The following CIITA variants were observed in gnomAD, a reference collection of about 807,000 sequenced individuals.
The protein encoded by CIITA is MHC class II transactivator.
Under a neutral mutation model 115.1 loss-of-function variants are expected in CIITA, and 72 were observed. The observed-to-expected ratio is 0.63, with a 90% CI of 0.52 to 0.76. CIITA has a LOEUF of 0.76. CIITA is among the 30% of genes least tolerant of loss of function. The pLI is 0.00. For missense variants in CIITA, 1,617 were observed against 1,463.8 expected (o/e 1.10, Z -1.71); for synonymous variants, 763 against 635.6 (o/e 1.20, Z -3.02).
Position 10,918,487 on chromosome 16 carries a change from A to G in CIITA, c.3110A>G (p.Glu1037Gly), listed in dbSNP as rs2040083367. ...GACCTGGGTGCCTACAAACTCGCCGAGGCCCTGCCTTCGCTCGCTGCATCC... is the reference window on the plus strand; with the variant it reads ...GACCTGGGTGCCTACAAACTCGCCGGGGCCCTGCCTTCGCTCGCTGCATCC... The part of the protein sequence containing the change: ...ITDLGAYKLA[E>G]ALPSLAASLL... Residue 1037 changes from glutamate (E) to glycine (G), a missense_variant, in exon 16 of 20, where the codon GAG (glutamate) becomes GGG (glycine). By Grantham distance (98) the Glu-to-Gly change is moderately conservative. Transcript: ENST00000324288. The G allele has an allele frequency of 6.2e-7, 1 of 1,614,066 alleles. No homozygotes were observed. The highest frequency in any genetic ancestry group is 1.3e-5 in the African/African-American group (1 of 74,922).
Position 10,941,811 on chromosome 16 carries a change from C to G in CIITA, n.937C>G. ...AGAGCACGCCGAGGTCCACGAGCGC[C>G]TGGTCCATGTCCTCGGGCAGGAAGA... On this transcript the variant is annotated non_coding_transcript_exon_variant, in exon 2 of 2. Coordinates refer to the CIITA transcript ENST00000573379. The surrounding 1 kb of genome is among the most constrained non-coding windows in gnomAD (Gnocchi z 6.4). 1 of 1,613,648 alleles carries G rather than the reference C, an allele frequency of 6.2e-7. No individual in the cohort carries two copies.
In CIITA at chr16:10,910,202, C is replaced by T. The variant is rs750740701; in HGVS notation, c.2831C>T (p.Ser944Leu). The change falls in exon 13 of 20, where the codon TCG (serine) becomes TTG (leucine). Residue 944 changes from serine to leucine, a missense_variant. Physicochemically the swap from Ser to Leu is moderately radical, Grantham distance 145 (BLOSUM62 -2). Coordinates refer to ENST00000324288, the MANE Select transcript of CIITA (RefSeq NM_000246.4). ...LVQTQRTRSS[S>L]EDTAGELPAV... ...GTTCTCTCCAGGACGAGAAGTTCCT[C>T]GGAAGACACAGCTGGGGAGCTCCCT... is the stretch of plus-strand genomic sequence containing the variant. 18 of 1,613,888 alleles carry T rather than the reference C, an allele frequency of 1.1e-5. No individual in the cohort carries two copies. Among genetic ancestry groups the T allele is most frequent in the African/African-American group, 2.7e-5 (2 of 74,920 alleles).
rs549929673 is a variant in CIITA, at chr16:10,922,913, C to T, written c.3318-315C>T. On this transcript the variant is annotated intron_variant, in intron 18 of 19. Transcript: ENST00000324288. ...TTCTTTCAAAGCACTTTTATCTCCACAATCACTCACCTCTTCTAAGACGCA... is the reference window on the plus strand; with the variant it reads ...TTCTTTCAAAGCACTTTTATCTCCATAATCACTCACCTCTTCTAAGACGCA... 9.8e-6 allele frequency: 5 copies of T among 511,534 alleles called. No individual in the cohort carries two copies. The East Asian group carries it at 1.7e-4, about 18-fold the overall frequency. 31.7% of individuals were successfully genotyped at this position (511,534 alleles called of 1,614,324 possible). A position where few individuals can be genotyped will look rare whatever the true frequency, so the allele number is the denominator to read the frequency against.
intron 12 of CIITA, 85 bp from the exon 13 acceptor site, chr16:10,910,103 C>T (rs2039456336): frequency 1.8e-6 from 2 of 1,128,300 alleles, no homozygotes; most frequent in Non-Finnish European, 2.7e-6. Flanking sequence ...GAATTTGGGG[C>T]ACTGGGGCAG....
At chr16:10,913,392 G>A (rs2039720432) in intron 13 of CIITA, 2 of 160,812 alleles carry the variant, frequency 1.2e-5, no homozygotes, top group Admixed American at 6.3e-5. Flanking sequence ...TCGACTCACT[G>A]CAACCTCCTC....
intron 1 of CIITA, among the ~76,000 whole-genome samples, chr16:10,890,696 G>T (rs986549410): frequency 7.9e-5 from 12 of 152,182 alleles, no homozygotes; most frequent in African/African-American, 2.2e-4. Flanking sequence ...AAGGGAAAGG[G>T]TCCCTTTGTC....
chr16:10,909,165 G>A lies in CIITA; in HGVS notation c.2794G>A (p.Gly932Arg). ...AKSLKDVEDL[G>R]KLVQTQRTRS... Reference sequence around the variant, plus strand: ...GTCCCTGAAGGATGTGGAAGACCTGGGAAAGCTTGTGCAGACTCAGAGGTG... The same window carrying A: ...GTCCCTGAAGGATGTGGAAGACCTGAGAAAGCTTGTGCAGACTCAGAGGTG... The change falls in exon 12 of 20, where the codon GGA (glycine) becomes AGA (arginine). Residue 932 changes from glycine to arginine, a missense_variant. By Grantham distance (125) the Gly-to-Arg change is moderately radical. Transcript: ENST00000324288. 6.2e-7 allele frequency: 1 copy of A among 1,614,224 alleles called. No individual in the cohort carries two copies. Among genetic ancestry groups the A allele is most frequent in the Non-Finnish European group, 8.5e-7 (1 of 1,180,056 alleles).
At chr16:10,916,596 T>G in intron 15 of CIITA, 137 bp downstream of exon 15, 1 of 751,542 alleles carries the variant, frequency 1.3e-6, no homozygotes, top group Non-Finnish European at 2.3e-6. Flanking sequence ...GCTATGATCA[T>G]ACCTCTGCAG....
At chr16:10,903,473 A>G (rs1279278394) in intron 8 of CIITA, among the ~76,000 whole-genome samples, 4 of 152,190 alleles carry the variant, frequency 2.6e-5, no homozygotes, top group Non-Finnish European at 5.9e-5. Context: ...GGAAGAGTGC[A>G]ATAGTAGTAC....
Position 10,895,807 on chromosome 16 carries a change from G to A in CIITA, c.295+43G>A, listed in dbSNP as rs374837723. Reference sequence around the variant, plus strand: ...CCCAGAAAAGGACAATCAAGGGCAAGAGTTCTTTGCTGCCACTTGTCAATA... The same window carrying A: ...CCCAGAAAAGGACAATCAAGGGCAAAAGTTCTTTGCTGCCACTTGTCAATA... On this transcript the variant is annotated intron_variant, in intron 3 of 19. Coordinates refer to ENST00000324288, the MANE Select transcript of CIITA (RefSeq NM_000246.4). The A allele has an allele frequency of 3.8e-6, 6 of 1,590,758 alleles. No homozygotes were observed. The African/African-American group carries it at 8.1e-5, about 21-fold the overall frequency.
Position 10,925,817 on chromosome 16 carries a change from T to C in CIITA, c.*1962T>C, listed in dbSNP as rs1387348904. On this transcript the variant is annotated 3_prime_UTR_variant, in exon 20 of 20. Transcript: ENST00000324288. ...TCCTAAAATTCAGTGGAAAATTAATTGTTTGGGGATGAGAAAGGTTGAAGC... is the reference window on the plus strand; with the variant it reads ...TCCTAAAATTCAGTGGAAAATTAATCGTTTGGGGATGAGAAAGGTTGAAGC... 6.6e-6 allele frequency: 1 copy of C among 152,166 alleles called. No homozygotes were observed. The highest frequency in any genetic ancestry group is 1.5e-5 in the Non-Finnish European group (1 of 68,040). The allele number at this position is 152,166 out of a possible 1,614,324, so 9.4% of individuals were successfully genotyped here.
intron 1 of CIITA, among the ~76,000 whole-genome samples, chr16:10,893,251 T>G (rs1250452888): frequency 6.6e-6 from 1 of 152,196 alleles, no homozygotes; most frequent in African/African-American, 2.4e-5. Flanking sequence ...GCTGTTGTTC[T>G]GAGCTACCTG....
intron 14 of CIITA, 26 bp downstream of exon 14, chr16:10,915,676 C>T (rs184744868): frequency 5.4e-5 from 85 of 1,586,510 alleles, no homozygotes; most frequent in Admixed American, 2.3e-4. Context: ...GGGACCCCTT[C>T]CTCTCAACAT....
At chr16:10,918,562 C>G (rs1261653434) in intron 16 of CIITA, 36 bp downstream of exon 16, 2 of 1,588,176 alleles carry the variant, frequency 1.3e-6, no homozygotes, top group East Asian at 2.2e-5. Context: ...AGGTGCTGAG[C>G]TGGGGGGCTG....
intron 13 of CIITA, among the ~76,000 whole-genome samples, chr16:10,911,380 T>TCC (rs2039564574): frequency 1.2e-5 from 1 of 85,540 alleles, no homozygotes; most frequent in African/African-American, 4.0e-5. Context: ...CTTTCTTTCT[T>TCC]TCTCTCTCTC....
intron 1 of CIITA, among the ~76,000 whole-genome samples, chr16:10,891,892 C>T (rs539786089): frequency 1.3e-5 from 2 of 152,318 alleles, no homozygotes; most frequent in South Asian, 2.1e-4. Context: ...TGGGTTCCTG[C>T]AGCCCCCGCT....
In CIITA at chr16:10,924,450, C is replaced by T. The variant is rs946852736; in HGVS notation, c.*595C>T. 6.6e-6 allele frequency: 1 copy of T among 152,340 alleles called. No homozygotes were observed. The highest frequency in any genetic ancestry group is 2.4e-5 in the African/African-American group (1 of 41,436). The allele number at this position is 152,340 out of a possible 1,614,324, so 9.4% of individuals were successfully genotyped here. ...GTTTTGCCATGTTGGCCAGGCTGGT[C>T]TCAAACTCTTGACCTCAGGTGATCC... On this transcript the variant is annotated 3_prime_UTR_variant, in exon 20 of 20. Transcript: ENST00000324288.
chr16:10,901,917 G>T lies in CIITA; in HGVS notation c.482-121G>T. ...GCTGATCAACACAGCTGCAGCCAGG[G>T]CTGAGAAGATGACAAGCATTTCCTC... On this transcript the variant is annotated intron_variant, in intron 6 of 19. Transcript: ENST00000324288. This position sits in a 1 kb window ranked among gnomAD's most constrained non-coding sequence, Gnocchi z 6.8. The T allele has an allele frequency of 1.4e-6, 2 of 1,381,916 alleles. No homozygotes were observed. Among genetic ancestry groups the T allele is most frequent in the Non-Finnish European group, 1.0e-6 (1 of 984,060 alleles). 85.6% of individuals were successfully genotyped at this position (1,381,916 alleles called of 1,614,324 possible).
intron 12 of CIITA, among the ~76,000 whole-genome samples, chr16:10,909,643 G>A (rs560354344): frequency 2.6e-5 from 4 of 152,314 alleles, no homozygotes; most frequent in South Asian, 2.1e-4. Flanking sequence ...TTGTTTGAGC[G>A]CCTCTTAAGT....
Sources: gnomAD v4.1 joint callset for allele counts (sites outside exome capture counted in the v4.1 genomes callset) on GRCh38, gnomAD v4.1.1 for gene constraint, Gnocchi (gnomAD v3.1) non-coding constraint, MANE v1.5 for transcripts, NCBI Gene and HGNC (gene_info 2026-07-23, HGNC 2026-07-21) for gene names.